The following TRIOBP variants were observed in gnomAD, a reference collection of about 807,000 sequenced individuals.
TRIOBP encodes the protein TRIO and F-actin binding protein, also known as TRIO and F-actin-binding protein.
In TRIOBP, 169 loss-of-function variants were observed where a neutral mutation model predicts 238.8. The observed-to-expected ratio is 0.71, with a 90% CI of 0.62 to 0.80. The LOEUF (loss-of-function observed/expected upper bound fraction) is 0.80, where lower values mean the gene tolerates loss of function less well. Ranked by LOEUF, TRIOBP falls within the 30% of genes least tolerant of loss-of-function variation. The pLI, the probability that TRIOBP is intolerant of heterozygous loss-of-function variation, is 0.00. For missense variants in TRIOBP, 2,838 were observed against 3,122.6 expected, an observed-to-expected ratio of 0.91 and a Z score of 2.17; for synonymous variants, 1,150 against 1,274.4, an observed-to-expected ratio of 0.90 and a Z score of 2.08.
chr22:37,725,560 G>A lies in TRIOBP; in HGVS notation c.3004G>A (p.Ala1002Thr), dbSNP rs760959532. Residue 1002 changes from alanine (A) to threonine (T), a missense_variant, in exon 7 of 24, where the codon GCT becomes ACT. Around this residue, in one of 5 missense-constraint regions of TRIOBP, gnomAD observed 2,096 missense variants for 2,137.4 expected, o/e 0.98. Coordinates refer to ENST00000644935, the MANE Select transcript of TRIOBP (RefSeq NM_001039141.3). The stretch of plus-strand genomic sequence containing the variant: ...ACCTGTGTACCCCGCTGCCTATGGG[G>A]CTCCCCTGACCTCTCCTGAGCCCTC... ...SSPVYPAAYGAPLTSPEPSQP... is the reference protein window; with the variant it reads ...SSPVYPAAYGTPLTSPEPSQP... 3 of 1,613,538 alleles carry A rather than the reference G, an allele frequency of 1.9e-6. No individual in the cohort carries two copies. Among genetic ancestry groups the A allele is most frequent in the East Asian group, 2.2e-5 (1 of 44,878 alleles).
rs140427804 is a variant in TRIOBP, at chr22:37,725,856, C to T, written c.3300C>T (p.Ser1100=). 1.2e-6 allele frequency: 2 copies of T among 1,612,404 alleles called. No homozygotes were observed. Among genetic ancestry groups the T allele is most frequent in the Middle Eastern group, 1.7e-4 (1 of 6,056 alleles). ...CAGATGCCGAGCATCAGTGTCAGTC[C>T]CCCCAACACGAGCCCCTTCAGCTCC... The part of the protein sequence containing the change: ...DTSDAEHQCQ[S]PQHEPLQLPA... The change falls in exon 7 of 24, where the codon TCC becomes TCT. Residue 1100 remains serine, a synonymous_variant. Transcript: ENST00000644935.
At chr22:37,767,794 A>G (rs922233521) in intron 18 of TRIOBP, among the ~76,000 whole-genome samples, 3 of 152,168 alleles carry the variant, frequency 2.0e-5, no homozygotes, top group Admixed American at 6.5e-5. Context: ...TCTCCCCAGT[A>G]GGGTCCATCC....
rs111830842 is a variant in TRIOBP, at chr22:37,768,931, C to T, written c.6576-97C>T. 1.1e-3 allele frequency: 1,732 copies of T among 1,573,708 alleles called. 25 individuals are homozygous for T. The African/African-American group carries it at 0.02, about 18-fold the overall frequency. ...CTAAAGGCAAACCTAGAGAGGGAACCCCAGAGTCCTGGGATGCTTTAAGTC... is the reference window on the plus strand; with the variant it reads ...CTAAAGGCAAACCTAGAGAGGGAACTCCAGAGTCCTGGGATGCTTTAAGTC... On this transcript the variant is annotated intron_variant, in intron 19 of 23. Transcript: ENST00000644935.
chr22:37,771,620 C>A (rs529374206), intron 21 of TRIOBP, 30 bp from the exon 22 acceptor site: 1 of 1,608,374 alleles, frequency 6.2e-7, no homozygotes, highest in Non-Finnish European at 8.5e-7. Context: ...GGCTTCTGGC[C>A]CTGGGTCAGT....
intron 7 of TRIOBP, among the ~76,000 whole-genome samples, chr22:37,726,789 A>T (rs538350384): frequency 6.6e-6 from 1 of 152,158 alleles, no homozygotes; most frequent in East Asian, 1.9e-4. Context: ...CCACATGTCA[A>T]CTCGTATGAC....
intron 10 of TRIOBP, 140 bp downstream of exon 10, chr22:37,738,859 TGGGGCC>T: frequency 5.4e-6 from 5 of 920,440 alleles, no homozygotes; most frequent in South Asian, 2.8e-5. Flanking sequence ...ATGTGCATGG[TGGGGCC>T]TTAAGAAGAG....
chr22:37,730,714 G>A (rs1020741996), intron 7 of TRIOBP, among the ~76,000 whole-genome samples: 5 of 152,094 alleles, frequency 3.3e-5, no homozygotes, highest in African/African-American at 1.2e-4. Context: ...GGTCAAGGCA[G>A]GTGGATTACC....
chr22:37,771,604 A>C (rs1391083654), intron 21 of TRIOBP, 46 bp from the exon 22 acceptor site: 3 of 1,551,434 alleles, frequency 1.9e-6, no homozygotes, highest in Non-Finnish European at 1.8e-6. Context: ...GGGCCAGGGT[A>C]GCTCTGGCTT....
intron 2 of TRIOBP, among the ~76,000 whole-genome samples, chr22:37,698,195 G>A (rs532492497): frequency 4.4e-5 from 3 of 67,776 alleles, no homozygotes; most frequent in South Asian, 1.4e-3. Context: ...CCGAGATTCT[G>A]TCTCAAAAAA....
chr22:37,707,507 C>A (rs1190055245), intron 3 of TRIOBP, among the ~76,000 whole-genome samples: 1 of 152,098 alleles, frequency 6.6e-6, no homozygotes, highest in Non-Finnish European at 1.5e-5. Flanking sequence ...CCACTCTCTC[C>A]CCATCTCTCT....
chr22:37,750,473 G>C (rs1925523804), intron 11 of TRIOBP, among the ~76,000 whole-genome samples: 1 of 152,242 alleles, frequency 6.6e-6, no homozygotes. Context: ...CCAGACTGAG[G>C]GGAAGTGGAG....
chr22:37,710,322 C>A, intron 3 of TRIOBP, 105 bp from the exon 4 acceptor site: 1 of 1,528,758 alleles, frequency 6.5e-7, no homozygotes, highest in Non-Finnish European at 8.9e-7. Context: ...CAGGATCCCC[C>A]GAGGAGATGC....
At chr22:37,719,122 G>C (rs1472048784) in intron 6 of TRIOBP, among the ~76,000 whole-genome samples, 2 of 149,822 alleles carry the variant, frequency 1.3e-5, no homozygotes, top group Non-Finnish European at 3.0e-5. Flanking sequence ...AGGATCGCTT[G>C]AACTTGGGAG....
In TRIOBP at chr22:37,737,586, G is replaced by A. The variant is rs190605343; in HGVS notation, c.5107-1056G>A. Among the ~76,000 whole-genome samples the A allele has an allele frequency of 9.2e-4, 139 of 151,540 alleles. 1 individual carries two copies. In the East Asian group the frequency reaches 0.016, roughly 17 times the overall value. ...TAAGACAGGAGAATGGTGTGAACCC[G>A]GGAGGTGGAAGTTGCAGTGAGCCGA... is the stretch of plus-strand genomic sequence containing the variant. On this transcript the variant is annotated intron_variant, in intron 9 of 23. Transcript: ENST00000644935.
chr22:37,754,679 GGT>G (rs1030900440), intron 12 of TRIOBP, among the ~76,000 whole-genome samples, 196 bp from the exon 13 acceptor site: 22 of 152,126 alleles, frequency 1.4e-4, no homozygotes, highest in African/African-American at 5.1e-4. Context: ...GGAAAGGGAG[GGT>G]GTGGTTACGG....
At chr22:37,761,701 G>T (rs1170505228) in intron 17 of TRIOBP, among the ~76,000 whole-genome samples, 2 of 152,102 alleles carry the variant, frequency 1.3e-5, no homozygotes, top group Non-Finnish European at 2.9e-5. Flanking sequence ...GGCTGGGGCT[G>T]CTGCTCCAGG....
At chr22:37,708,882 G>T (rs1393327646) in intron 3 of TRIOBP, among the ~76,000 whole-genome samples, 1 of 152,212 alleles carries the variant, frequency 6.6e-6, no homozygotes, top group East Asian at 1.9e-4. Flanking sequence ...CAAGTGGGTG[G>T]TGTGGGGTGG....
At chr22:37,743,859 A>T (rs868131587) in intron 11 of TRIOBP, among the ~76,000 whole-genome samples, 98 of 53,886 alleles carry the variant, frequency 1.8e-3, no homozygotes, top group South Asian at 7.4e-3. Context: ...GGTGTGTGTG[A>T]GTGTGTGCTG....
At chr22:37,713,468 C>T in intron 5 of TRIOBP, 57 bp downstream of exon 5, 1 of 1,587,966 alleles carries the variant, frequency 6.3e-7, no homozygotes, top group Non-Finnish European at 8.6e-7. Context: ...CATCTGCAGC[C>T]CTGGGTCCCA....
Sources: allele counts gnomAD v4.1 joint callset (sites outside exome capture counted in the v4.1 genomes callset), GRCh38; gene constraint gnomAD v4.1.1; regional missense constraint gnomAD v4.1.1; transcripts MANE v1.5; gene names NCBI Gene and HGNC (gene_info 2026-07-23, HGNC 2026-07-21).